RARB: variants seen among roughly 807,000 people sequenced by gnomAD.
RARB encodes the protein HBV-activated protein.
In RARB, 17 loss-of-function variants were observed where a neutral mutation model predicts 51.9. That is an observed-to-expected ratio of 0.33 (90% CI 0.22 to 0.49). The LOEUF (loss-of-function observed/expected upper bound fraction) is 0.49, where lower values mean the gene tolerates loss of function less well. Ranked by LOEUF, RARB falls within the 20% of genes least tolerant of loss-of-function variation. RARB has a pLI of 0.99. For missense variants in RARB, 369 were observed against 550.8 expected (o/e 0.67, Z 3.30); for synonymous variants, 215 against 195.4 (o/e 1.10, Z -0.84).
At chr3:24,970,869 GACATTCATGTCA>G (rs1431033556) in intron 2 of RARB, among the ~76,000 whole-genome samples, 1 of 151,902 alleles carries the variant, frequency 6.6e-6, no homozygotes, top group Non-Finnish European at 1.5e-5. Flanking sequence ...GGAGCTTGTG[GACATTCATGTCA>G]ATTGAATAAC....
chr3:25,508,843 C>T (rs1221338877), intron 3 of RARB, among the ~76,000 whole-genome samples: 1 of 151,756 alleles, frequency 6.6e-6, no homozygotes, highest in Non-Finnish European at 1.5e-5. Flanking sequence ...AATCTGCTGC[C>T]CCTTTCTACT....
chr3:25,455,702 C>T (rs1694873852), intron 1 of RARB, among the ~76,000 whole-genome samples: 1 of 152,188 alleles, frequency 6.6e-6, no homozygotes, highest in Admixed American at 6.5e-5. Context: ...CGGGGACCCA[C>T]AGAGCCAAGC....
chr3:25,251,772 G>A (rs1702727211), intron 5 of RARB, among the ~76,000 whole-genome samples: 2 of 151,552 alleles, frequency 1.3e-5, no homozygotes, highest in African/African-American at 2.4e-5. Flanking sequence ...CCTTTTATCA[G>A]ACGTATGATT....
At chr3:25,231,795 A>G (rs1465121467) in intron 5 of RARB, among the ~76,000 whole-genome samples, 3 of 152,140 alleles carry the variant, frequency 2.0e-5, no homozygotes, top group Non-Finnish European at 2.9e-5. Flanking sequence ...AGAGTTTTTA[A>G]TATAATCTGC....
intron 5 of RARB, among the ~76,000 whole-genome samples, chr3:25,232,976 T>TC (rs1702216191): frequency 6.9e-6 from 1 of 145,604 alleles, no homozygotes; most frequent in African/African-American, 2.5e-5. Context: ...TCTTTTTCTT[T>TC]TTTTTTTTTT....
At chr3:24,973,554 G>A (rs1696447291) in intron 2 of RARB, among the ~76,000 whole-genome samples, 1 of 151,968 alleles carries the variant, frequency 6.6e-6, no homozygotes, top group Non-Finnish European at 1.5e-5. Flanking sequence ...GCTTTGTTTA[G>A]TAGTCTCATT....
At chr3:25,015,983 C>A (rs929856008) in intron 2 of RARB, among the ~76,000 whole-genome samples, 72 of 152,132 alleles carry the variant, frequency 4.7e-4, no homozygotes, top group African/African-American at 1.7e-3. Context: ...AAACATTGTA[C>A]AAAAACTTGG....
intron 2 of RARB, among the ~76,000 whole-genome samples, chr3:25,492,931 C>G (rs1229606805): frequency 6.6e-6 from 1 of 151,674 alleles, no homozygotes; most frequent in Non-Finnish European, 1.5e-5. Flanking sequence ...CATGGCTACA[C>G]CTTTACTAAG....
intron 5 of RARB, among the ~76,000 whole-genome samples, chr3:25,328,394 C>A (rs530769840): frequency 1.3e-5 from 2 of 152,352 alleles, no homozygotes; most frequent in African/African-American, 2.4e-5. Flanking sequence ...GTGGTGCACA[C>A]CTGTAATCCC....
chr3:25,395,948 A>G (rs912371712), intron 5 of RARB, among the ~76,000 whole-genome samples: 3 of 152,160 alleles, frequency 2.0e-5, no homozygotes, highest in African/African-American at 4.8e-5. Flanking sequence ...TTGTCATATC[A>G]CCAGCATCTT....
chr3:24,830,777 CAGGT>C (rs780267005), intron 1 of RARB, among the ~76,000 whole-genome samples: 1 of 151,344 alleles, frequency 6.6e-6, no homozygotes, highest in Non-Finnish European at 1.5e-5. Context: ...GGGAGAAAGA[CAGGT>C]GAGGCGGAGC....
chr3:25,197,230 A>T (rs918839008), intron 5 of RARB, among the ~76,000 whole-genome samples: 7 of 152,096 alleles, frequency 4.6e-5, no homozygotes, highest in African/African-American at 1.7e-4. Flanking sequence ...TCAATCTTGA[A>T]TTAATTTGTG....
Position 25,086,732 on chromosome 3 carries a change from G to T in RARB, c.-328+26556G>T, listed in dbSNP as rs114921947. ...GGAGGGGCACTTCCAGGTCACAGGT[G>T]TATTCAAAGATTTTCTGATTGGCAG... On this transcript the variant is annotated intron_variant, in intron 3 of 11. Transcript: ENST00000383772. Among the ~76,000 whole-genome samples, 991 of 152,178 alleles carry T rather than the reference G, an allele frequency of 6.5e-3. 7 individuals carry two copies. Among genetic ancestry groups the T allele is most frequent in the African/African-American group, 0.022 (924 of 41,532 alleles).
chr3:25,097,113 A>G (rs1699310383), intron 3 of RARB, among the ~76,000 whole-genome samples: 1 of 150,130 alleles, frequency 6.7e-6, no homozygotes, highest in Admixed American at 6.7e-5. Flanking sequence ...GAAGACTAGC[A>G]AACAATCAGA....
At chr3:24,907,378 A>G (rs1694889757) in intron 2 of RARB, among the ~76,000 whole-genome samples, 1 of 152,244 alleles carries the variant, frequency 6.6e-6, no homozygotes, top group Non-Finnish European at 1.5e-5. Context: ...CACACTTAGT[A>G]TCGCTGGATT....
chr3:25,055,129 C>T (rs1004806755), intron 2 of RARB, among the ~76,000 whole-genome samples: 3 of 152,042 alleles, frequency 2.0e-5, no homozygotes, highest in African/African-American at 4.8e-5. Flanking sequence ...TCAAGAGTAA[C>T]AAATTAAAAG....
intron 5 of RARB, among the ~76,000 whole-genome samples, chr3:25,302,477 T>A (rs1373137308): frequency 1.3e-5 from 2 of 152,204 alleles, no homozygotes; most frequent in Non-Finnish European, 2.9e-5. Flanking sequence ...AAACCCTGAA[T>A]ACATTATGCT....
At chr3:25,521,205 C>T (rs571959883) in intron 3 of RARB, among the ~76,000 whole-genome samples, 7 of 152,288 alleles carry the variant, frequency 4.6e-5, no homozygotes, top group African/African-American at 1.7e-4. Context: ...AGCGTGTCTC[C>T]AGTGAAGAGA....
intron 2 of RARB, among the ~76,000 whole-genome samples, chr3:25,500,235 C>T (rs955483158): frequency 1.1e-4 from 17 of 152,036 alleles, no homozygotes; most frequent in African/African-American, 4.1e-4. Flanking sequence ...ATTTAAGTAG[C>T]CTCATGTGAC....
Sources: gnomAD v4.1 joint callset for allele counts (sites outside exome capture counted in the v4.1 genomes callset) on GRCh38, gnomAD v4.1.1 for gene constraint, MANE v1.5 for transcripts, NCBI Gene and HGNC (gene_info 2026-07-23, HGNC 2026-07-21) for gene names.